KLC1: variants seen among roughly 807,000 people sequenced by gnomAD.
KLC1 encodes kinesin 2 60/70kDa.
A neutral mutation model predicts 84.2 loss-of-function variants in KLC1; 30 were observed. The observed-to-expected ratio is 0.36, with a 90% CI of 0.27 to 0.48. The LOEUF (loss-of-function observed/expected upper bound fraction) is 0.48. Among genes scored for constraint, KLC1 ranks in the 20% least tolerant of loss-of-function variants. The probability of loss-of-function intolerance (pLI) is 0.99; values close to 1 mark genes in which losing one functional copy is unlikely to be tolerated. For synonymous variants in KLC1, 289 were observed against 293.3 expected, an observed-to-expected ratio of 0.99 and a Z score of 0.15; for missense variants, 499 against 805.4, an observed-to-expected ratio of 0.62 and a Z score of 4.60.
chr14:103,631,660 T>A (rs2151236642), intron 1 of KLC1, among the ~76,000 whole-genome samples: 1 of 152,034 alleles, frequency 6.6e-6, no homozygotes, highest in South Asian at 2.1e-4. Flanking sequence ...TGCAGTGGTG[T>A]GATCCCCGCT....
At chr14:103,669,165 G>C (rs1043934204) in intron 5 of KLC1, among the ~76,000 whole-genome samples, 1 of 151,718 alleles carries the variant, frequency 6.6e-6, no homozygotes, top group African/African-American at 2.4e-5. Context: ...GGCCGGGCAC[G>C]ATGGCTCATG....
chr14:103,668,116 T>C (rs1430755879), intron 5 of KLC1, among the ~76,000 whole-genome samples: 1 of 152,234 alleles, frequency 6.6e-6, no homozygotes, highest in East Asian at 1.9e-4. Context: ...GACTGTGCAA[T>C]AGATCATATA....
intron 1 of KLC1, among the ~76,000 whole-genome samples, chr14:103,647,124 T>C (rs1481963796): frequency 1.3e-5 from 2 of 152,186 alleles, no homozygotes; most frequent in Non-Finnish European, 2.9e-5. Context: ...TGTTGAATAA[T>C]ACAAACATGC....
Position 103,693,891 on chromosome 14 carries a change from T to TCAG in KLC1, c.1848+1469_1848+1471dup, listed in dbSNP as rs2082266212. ...AGGCCGAGGTGGCGCTGAGGTGGCT[T>TCAG]CAGCACGCTGGGGATTGGCTCCTGC... is the stretch of plus-strand genomic sequence containing the variant. On this transcript the variant is annotated intron_variant, in intron 15 of 16. Transcript: ENST00000334553. This position sits in a 1 kb window ranked among gnomAD's most constrained non-coding sequence, Gnocchi z 5.1. The TCAG allele has an allele frequency of 7.6e-7, 1 of 1,322,750 alleles. No individual in the cohort carries two copies. Among genetic ancestry groups the TCAG allele is most frequent in the Non-Finnish European group, 9.6e-7 (1 of 1,037,076 alleles). The allele number at this position is 1,322,750 out of a possible 1,614,324, so 81.9% of individuals were successfully genotyped here. A position where few individuals can be genotyped will look rare whatever the true frequency, so the allele number is the denominator to read the frequency against.
At chr14:103,679,843 T>G in intron 13 of KLC1, 1 of 327,528 alleles carries the variant, frequency 3.1e-6, no homozygotes, top group Non-Finnish European at 5.6e-6. Flanking sequence ...AATATTGGGA[T>G]CAGTGTGGCA....
At chr14:103,641,950 A>G (rs774858814) in intron 1 of KLC1, among the ~76,000 whole-genome samples, 2 of 151,512 alleles carry the variant, frequency 1.3e-5, no homozygotes, top group South Asian at 4.2e-4. Context: ...TATTTTTTTG[A>G]GACAGAGTCT....
intron 15 of KLC1, among the ~76,000 whole-genome samples, chr14:103,692,744 T>A (rs1354333951): frequency 6.6e-6 from 1 of 152,228 alleles, no homozygotes; most frequent in Non-Finnish European, 1.5e-5. Flanking sequence ...ATTACTAGTT[T>A]GTATGATTGT....
At chr14:103,695,409 C>T (rs2082382599) in intron 15 of KLC1, 19 of 978,052 alleles carry the variant, frequency 1.9e-5, no homozygotes, top group Non-Finnish European at 1.9e-5. Context: ...AGAAGCCAAC[C>T]CCCCCCAAAA....
At chr14:103,670,930 AAAG>A (rs779506644) in intron 7 of KLC1, among the ~76,000 whole-genome samples, 2 of 146,752 alleles carry the variant, frequency 1.4e-5, no homozygotes, top group Non-Finnish European at 2.9e-5. Flanking sequence ...AAGAAAAAAA[AAAG>A]AAAAGAAGGT....
chr14:103,659,069 C>G (rs2079069317), intron 3 of KLC1, among the ~76,000 whole-genome samples: 1 of 152,128 alleles, frequency 6.6e-6, no homozygotes, highest in South Asian at 2.1e-4. Flanking sequence ...CCTCCACCTC[C>G]TGGGTTCAAG....
Position 103,693,344 on chromosome 14 carries a change from A to G in KLC1, c.1848+919A>G, listed in dbSNP as rs1426047474. Among the ~76,000 whole-genome samples, 1 of 151,888 alleles carries G rather than the reference A, an allele frequency of 6.6e-6. No homozygotes were observed. Among genetic ancestry groups the G allele is most frequent in the Non-Finnish European group, 1.5e-5 (1 of 67,968 alleles). On this transcript the variant is annotated intron_variant, in intron 15 of 16. Coordinates refer to ENST00000334553, the MANE Select transcript of KLC1 (RefSeq NM_001394837.1). The surrounding 1 kb of genome is among the most constrained non-coding windows in gnomAD (Gnocchi z 5.1). ...CACCCCTAATGACAAGAGGAAAGAA[A>G]GTCTCTTCATTTTACAGGGTCCTGT...
chr14:103,697,029 C>T lies in KLC1; in HGVS notation c.1849-3626C>T, dbSNP rs940379497. The T allele has an allele frequency of 3.0e-6, 3 of 985,372 alleles. No homozygotes were observed. In the African/African-American group the frequency reaches 5.2e-5, roughly 17 times the overall value. 61.0% of individuals were successfully genotyped at this position (985,372 alleles called of 1,614,324 possible). ...GGCCGAGCTTCCAGGCGTGTTTTCT[C>T]TGTTAAATGTACCTCTGTCTTTAAG... is the stretch of plus-strand genomic sequence containing the variant. On this transcript the variant is annotated intron_variant, in intron 15 of 16. Coordinates refer to ENST00000334553, the MANE Select transcript of KLC1 (RefSeq NM_001394837.1).
intron 1 of KLC1, among the ~76,000 whole-genome samples, chr14:103,632,841 CAAAAG>C (rs1272068669): frequency 1.3e-5 from 2 of 152,010 alleles, no homozygotes; most frequent in Non-Finnish European, 2.9e-5. Context: ...CGATTCTTCA[CAAAAG>C]AAAAGTACCA....
intron 1 of KLC1, among the ~76,000 whole-genome samples, chr14:103,631,013 T>TG (rs2076633879): frequency 6.6e-6 from 1 of 152,004 alleles, no homozygotes; most frequent in African/African-American, 2.4e-5. Flanking sequence ...GGGGAGGGAA[T>TG]GACACTGGGG....
In KLC1 at chr14:103,685,805, T is replaced by TG. The variant is rs35965972; in HGVS notation, c.1651-1269dup. 203 of 1,211,918 alleles carry TG rather than the reference T, an allele frequency of 1.7e-4. 1 individual carries two copies. The East Asian group carries it at 7.2e-3, about 43-fold the overall frequency. 75.1% of individuals were successfully genotyped at this position (1,211,918 alleles called of 1,614,324 possible). On this transcript the variant is annotated intron_variant, in intron 13 of 16. Coordinates refer to ENST00000334553, the MANE Select transcript of KLC1 (RefSeq NM_001394837.1). ...TTCCTTTCGGTGCTGCTGTCCTTTT[T>TG]GGGGGGGTTCCTGATTTCTGTATAC...
intron 15 of KLC1, chr14:103,699,636 A>G: frequency 6.4e-7 from 1 of 1,565,102 alleles, no homozygotes; most frequent in African/African-American, 1.4e-5. Flanking sequence ...AGGTGACCAG[A>G]CCCCGTTTGG....
chr14:103,679,305 C>G, intron 12 of KLC1, 79 bp from the exon 13 acceptor site: 44 of 666,876 alleles, frequency 6.6e-5, no homozygotes, highest in South Asian at 1.2e-4. Context: ...TTTTTTTTTT[C>G]TAGCGAAGTA....
intron 1 of KLC1, among the ~76,000 whole-genome samples, chr14:103,647,901 C>T (rs191750207): frequency 6.6e-6 from 1 of 151,252 alleles, no homozygotes; most frequent in Non-Finnish European, 1.5e-5. Context: ...AATAGCATTT[C>T]CTAATTTCTG....
Position 103,694,556 on chromosome 14 carries a change from CAAACTAGTCCAT to C in KLC1, c.1848+2133_1848+2144del. ...TGAGGCTGTATTTCTTAGCCGTCCA[CAAACTAGTCCAT>C]AGGTAAAGAGCATACAAAACAGACG... On this transcript the variant is annotated intron_variant, in intron 15 of 16. Coordinates refer to ENST00000334553, the MANE Select transcript of KLC1 (RefSeq NM_001394837.1). The surrounding 1 kb of genome is among the most constrained non-coding windows in gnomAD (Gnocchi z 4.5). 1 of 985,490 alleles carries C rather than the reference CAAACTAGTCCAT, an allele frequency of 1.0e-6. No individual in the cohort carries two copies. Among genetic ancestry groups the C allele is most frequent in the Non-Finnish European group, 1.2e-6 (1 of 829,956 alleles). The allele number at this position is 985,490 out of a possible 1,614,324, so 61.0% of individuals were successfully genotyped here. A position where few individuals can be genotyped will look rare whatever the true frequency, so the allele number is the denominator to read the frequency against.
Sources: gnomAD v4.1 joint callset for allele counts (sites outside exome capture counted in the v4.1 genomes callset) on GRCh38, gnomAD v4.1.1 for gene constraint, Gnocchi (gnomAD v3.1) non-coding constraint, MANE v1.5 for transcripts, NCBI Gene and HGNC (gene_info 2026-07-23, HGNC 2026-07-21) for gene names.